Variants in GRIN3A observed in about 807,000 individuals in gnomAD.
GRIN3A encodes the protein glutamate ionotropic receptor NMDA type subunit 3A.
In GRIN3A, 47 loss-of-function variants were observed where a neutral mutation model predicts 92.4. The ratio of observed to expected loss-of-function variants is 0.51; its 90% confidence interval spans 0.40 to 0.65. The LOEUF is 0.65. Ranked by LOEUF, GRIN3A falls within the 30% of genes least tolerant of loss-of-function variation. GRIN3A has a pLI of 0.00. For synonymous variants in GRIN3A, 527 were observed against 540.6 expected (o/e 0.97, Z 0.35); for missense variants, 1,324 against 1,393.1 (o/e 0.95, Z 0.79).
chr9:101,636,999 T>C (rs1394092117), intron 3 of GRIN3A, among the ~76,000 whole-genome samples: 1 of 152,244 alleles, frequency 6.6e-6, no homozygotes, highest in Non-Finnish European at 1.5e-5. Context: ...TTCAAACATT[T>C]ATATTCAACT....
At chr9:101,731,566 A>G (rs1156699641) in intron 1 of GRIN3A, among the ~76,000 whole-genome samples, 1 of 152,150 alleles carries the variant, frequency 6.6e-6, no homozygotes, top group African/African-American at 2.4e-5. Context: ...GCTCATCTCC[A>G]TTAACAAACC....
intron 1 of GRIN3A, among the ~76,000 whole-genome samples, chr9:101,702,057 C>A (rs1829762802): frequency 6.6e-6 from 1 of 152,070 alleles, no homozygotes; most frequent in Non-Finnish European, 1.5e-5. Context: ...ATCTCAGCAC[C>A]TTGTGAGGCC....
chr9:101,709,782 A>C (rs1004882521), intron 1 of GRIN3A, among the ~76,000 whole-genome samples: 2 of 152,178 alleles, frequency 1.3e-5, no homozygotes, highest in Non-Finnish European at 2.9e-5. Context: ...CACAAGTACA[A>C]AAATGTTTTA....
At chr9:101,665,187 G>C (rs1829223051) in intron 3 of GRIN3A, among the ~76,000 whole-genome samples, 1 of 151,926 alleles carries the variant, frequency 6.6e-6, no homozygotes. Context: ...GAACTTTGGG[G>C]AGTTTCATTT....
intron 2 of GRIN3A, among the ~76,000 whole-genome samples, chr9:101,675,718 C>A (rs1293504526): frequency 1.3e-5 from 2 of 150,254 alleles, no homozygotes; most frequent in Non-Finnish European, 3.0e-5. Context: ...TTGTATTTTT[C>A]ACATATAAAA....
intron 3 of GRIN3A, among the ~76,000 whole-genome samples, chr9:101,639,120 T>C (rs1310559760): frequency 6.6e-6 from 1 of 152,218 alleles, no homozygotes; most frequent in Non-Finnish European, 1.5e-5. Context: ...CTCTTCAGCC[T>C]ATGTTGTTGG....
chr9:101,685,576 C>T (rs370712585), intron 2 of GRIN3A, among the ~76,000 whole-genome samples: 4 of 151,880 alleles, frequency 2.6e-5, no homozygotes, highest in African/African-American at 4.8e-5. Flanking sequence ...AAGGATATTC[C>T]CCCTTTCCCG....
chr9:101,610,827 G>A (rs111715663), intron 6 of GRIN3A, among the ~76,000 whole-genome samples: 21,952 of 152,084 alleles, frequency 0.14, 2,081 homozygotes, highest in Non-Finnish European at 0.21. Context: ...AGCCAGGCGC[G>A]GTGGCTCATG....
chr9:101,657,365 C>T (rs1829103877), intron 3 of GRIN3A, among the ~76,000 whole-genome samples: 1 of 152,088 alleles, frequency 6.6e-6, no homozygotes, highest in Admixed American at 6.5e-5. Context: ...TTCCTTAACA[C>T]TAATACCATA....
intron 6 of GRIN3A, chr9:101,591,800 G>C (rs1168053454): frequency 1.3e-5 from 2 of 152,148 alleles, no homozygotes; most frequent in Non-Finnish European, 2.9e-5. Flanking sequence ...TCAGTTCAAG[G>C]TCATTGCCAC....
chr9:101,722,125 C>T (rs1194037881), intron 1 of GRIN3A, among the ~76,000 whole-genome samples: 1 of 152,196 alleles, frequency 6.6e-6, no homozygotes, highest in Non-Finnish European at 1.5e-5. Flanking sequence ...CATTGGTGCC[C>T]CGTGTCCCAG....
chr9:101,571,668 C>T lies in GRIN3A; in HGVS notation c.*1506G>A, dbSNP rs1395392543. 1.3e-5 allele frequency: 2 copies of T among 152,212 alleles called. No homozygotes were observed. Among genetic ancestry groups the T allele is most frequent in the East Asian group, 3.8e-4 (2 of 5,200 alleles). The allele number at this position is 152,212 out of a possible 1,614,324, so 9.4% of individuals were successfully genotyped here. ...ACAAAACAAAACAAAACTTCTCAAA[C>T]AGGTTTTCTCTTCATGCTTCTCCTC... On this transcript the variant is annotated 3_prime_UTR_variant, in exon 9 of 9. Transcript: ENST00000361820.
At chr9:101,643,178 T>C (rs1396975039) in intron 3 of GRIN3A, among the ~76,000 whole-genome samples, 2 of 151,984 alleles carry the variant, frequency 1.3e-5, no homozygotes, top group Non-Finnish European at 2.9e-5. Flanking sequence ...TATTAGAAAC[T>C]CATTCAGCTC....
chr9:101,727,654 C>G (rs1417743682), intron 1 of GRIN3A, among the ~76,000 whole-genome samples: 1 of 151,842 alleles, frequency 6.6e-6, no homozygotes, highest in Non-Finnish European at 1.5e-5. Context: ...GCTGGCAGTA[C>G]AGCAGAAGTT....
Position 101,577,780 on chromosome 9 carries a change from C to T in GRIN3A, c.2996G>A (p.Arg999His), listed in dbSNP as rs767979002. The change falls in exon 8 of 9, where the codon CGT (arginine) becomes CAT (histidine). Residue 999 changes from arginine to histidine, a missense_variant. Arg to His is a conservative substitution (Grantham distance 29, BLOSUM62 0). Coordinates refer to ENST00000361820, the MANE Select transcript of GRIN3A (RefSeq NM_133445.3). ...GGCCCCTTCTTACCTCTTTTCCACA[C>T]GTTTGGTCTTGAAATGCTGCTGCTT... ...EEKQQHFKTK[R>H]VEKRSNVGPR... is the part of the protein sequence containing the mutation. 21 of 1,611,938 alleles carry T rather than the reference C, an allele frequency of 1.3e-5. No homozygotes were observed. The highest frequency in any genetic ancestry group is 2.2e-5 in the South Asian group (2 of 91,058).
intron 3 of GRIN3A, among the ~76,000 whole-genome samples, chr9:101,634,104 C>A (rs566953923): frequency 2.6e-5 from 4 of 151,940 alleles, no homozygotes; most frequent in South Asian, 4.2e-4. Flanking sequence ...GAGGCCGAGG[C>A]GGGTGGATCA....
intron 5 of GRIN3A, among the ~76,000 whole-genome samples, chr9:101,615,239 T>C: frequency 6.7e-6 from 1 of 149,668 alleles, no homozygotes; most frequent in East Asian, 1.9e-4. Flanking sequence ...TTCAACATGA[T>C]TGAGGAAGAG....
At chr9:101,650,577 AC>A (rs1411800631) in intron 3 of GRIN3A, among the ~76,000 whole-genome samples, 5 of 152,072 alleles carry the variant, frequency 3.3e-5, no homozygotes, top group Non-Finnish European at 5.9e-5. Flanking sequence ...GACCAGGTCA[AC>A]CAAACCTGGC....
chr9:101,736,120 A>AT (rs1214016996), intron 1 of GRIN3A, among the ~76,000 whole-genome samples: 3 of 152,204 alleles, frequency 2.0e-5, no homozygotes, highest in Admixed American at 2.0e-4. Flanking sequence ...TTGGAAATAC[A>AT]AATTTTTCCA....
Sources: allele counts gnomAD v4.1 joint callset (sites outside exome capture counted in the v4.1 genomes callset), GRCh38; gene constraint gnomAD v4.1.1; transcripts MANE v1.5; gene names NCBI Gene and HGNC (gene_info 2026-07-23, HGNC 2026-07-21).